ADK: variants seen among roughly 807,000 people sequenced by gnomAD.
ADK encodes N6,N6-dimethyladenosine kinase.
ADK carries 24 observed loss-of-function variants against 44.7 expected under a neutral mutation model. The ratio of observed to expected loss-of-function variants is 0.54; its 90% confidence interval spans 0.39 to 0.76. The LOEUF (loss-of-function observed/expected upper bound fraction) is 0.76. ADK is among the 30% of genes least tolerant of loss of function. The probability of loss-of-function intolerance (pLI) is 0.00; values close to 1 mark genes in which losing one functional copy is unlikely to be tolerated. For missense variants in ADK, 321 were observed against 425.1 expected (o/e 0.76, Z 2.15); for synonymous variants, 128 against 142.6 (o/e 0.90, Z 0.73).
intron 10 of ADK, among the ~76,000 whole-genome samples, chr10:74,682,998 G>A (rs1855666868): frequency 1.3e-5 from 2 of 152,080 alleles, no homozygotes; most frequent in African/African-American, 4.8e-5. Flanking sequence ...TAAAATTTGG[G>A]TCACAAGTTG....
At chr10:74,152,599 ATTTCCTTAGATT>A (rs1280096138) in intron 1 of ADK, among the ~76,000 whole-genome samples, 1 of 152,084 alleles carries the variant, frequency 6.6e-6, no homozygotes, top group African/African-American at 2.4e-5. Flanking sequence ...TAACCCTTAG[ATTTCCTTAGATT>A]TTTCCTTAAT....
intron 4 of ADK, among the ~76,000 whole-genome samples, chr10:74,358,859 TGA>T (rs1307341418): frequency 2.0e-5 from 3 of 152,374 alleles, no homozygotes; most frequent in South Asian, 4.1e-4. Flanking sequence ...AATGATACTC[TGA>T]GTCATAATTA....
At chr10:74,218,732 G>T (rs1298920405) in intron 2 of ADK, among the ~76,000 whole-genome samples, 9 of 152,246 alleles carry the variant, frequency 5.9e-5, no homozygotes, top group African/African-American at 1.9e-4. Flanking sequence ...TTAAAGAAAA[G>T]AATTTTCAAC....
intron 2 of ADK, among the ~76,000 whole-genome samples, chr10:74,223,603 A>G (rs1844410629): frequency 6.6e-6 from 1 of 152,110 alleles, no homozygotes; most frequent in Non-Finnish European, 1.5e-5. Flanking sequence ...ATTGTTGTCC[A>G]TTGTTGTTTA....
chr10:74,186,878 A>T (rs1842786056), intron 1 of ADK, among the ~76,000 whole-genome samples: 1 of 152,050 alleles, frequency 6.6e-6, no homozygotes, highest in Non-Finnish European at 1.5e-5. Context: ...GCTTTGGGTT[A>T]TTTCCAGTTT....
intron 1 of ADK, among the ~76,000 whole-genome samples, chr10:74,171,461 A>C (rs189142650): frequency 1.3e-5 from 2 of 152,308 alleles, no homozygotes; most frequent in East Asian, 3.9e-4. Context: ...GGATGGGTCC[A>C]CATTTTTGGT....
At chr10:74,236,145 T>G (rs747236920) in intron 3 of ADK, among the ~76,000 whole-genome samples, 1 of 152,246 alleles carries the variant, frequency 6.6e-6, no homozygotes, top group Admixed American at 6.5e-5. Context: ...TAATTAGCTC[T>G]TCAAAGATGT....
intron 6 of ADK, among the ~76,000 whole-genome samples, chr10:74,449,494 G>A (rs1267825010): frequency 6.6e-5 from 10 of 152,268 alleles, no homozygotes. Flanking sequence ...AAAAGAAATA[G>A]AAAGTTCAGG....
chr10:74,672,531 A>G (rs1176279047), intron 10 of ADK, among the ~76,000 whole-genome samples: 10 of 152,210 alleles, frequency 6.6e-5, no homozygotes, highest in Non-Finnish European at 1.5e-5. Flanking sequence ...ACTAGGCAGG[A>G]CTTTACTGGT....
chr10:74,357,304 G>C (rs939264123), intron 4 of ADK, among the ~76,000 whole-genome samples: 1 of 152,026 alleles, frequency 6.6e-6, no homozygotes, highest in East Asian at 1.9e-4. Context: ...TTGTAGTGTG[G>C]TGGTGGTGAT....
chr10:74,300,315 CT>C (rs1839979795), intron 3 of ADK, among the ~76,000 whole-genome samples: 1 of 102,280 alleles, frequency 9.8e-6, no homozygotes, highest in East Asian at 2.5e-4. Flanking sequence ...TCCTTCTTTC[CT>C]TCCTTCCTTC....
At chr10:74,436,499 A>C (rs1268629198) in intron 6 of ADK, among the ~76,000 whole-genome samples, 1 of 151,562 alleles carries the variant, frequency 6.6e-6, no homozygotes, top group Non-Finnish European at 1.5e-5. Context: ...AAAAGTTTCC[A>C]TGACTCTTCA....
chr10:74,680,158 C>CA (rs1248921882), intron 10 of ADK, among the ~76,000 whole-genome samples: 3 of 151,242 alleles, frequency 2.0e-5, no homozygotes, highest in African/African-American at 4.9e-5. Context: ...ACTAAAAATA[C>CA]AAAAAAATTA....
chr10:74,706,184 A>C (rs535891834), intron 10 of ADK, among the ~76,000 whole-genome samples: 8 of 152,270 alleles, frequency 5.3e-5, no homozygotes, highest in African/African-American at 1.9e-4. Flanking sequence ...AGGAAAGCTG[A>C]GGTGGGAGAA....
chr10:74,354,181 C>T (rs1477107232), intron 4 of ADK, among the ~76,000 whole-genome samples: 1 of 152,202 alleles, frequency 6.6e-6, no homozygotes, highest in Non-Finnish European at 1.5e-5. Context: ...AAGGTGAACT[C>T]ATTGTCTTGA....
At chr10:74,311,120 A>T (rs1224448831) in intron 3 of ADK, among the ~76,000 whole-genome samples, 2 of 152,164 alleles carry the variant, frequency 1.3e-5, no homozygotes, top group Non-Finnish European at 2.9e-5. Flanking sequence ...TACTGTTAAT[A>T]CCTTGGTTGT....
At chr10:74,209,162 T>C (rs560890909) in intron 2 of ADK, among the ~76,000 whole-genome samples, 1 of 152,308 alleles carries the variant, frequency 6.6e-6, no homozygotes, top group Admixed American at 6.5e-5. Context: ...TTATGAAGGC[T>C]CTGCTCTTAT....
chr10:74,688,346 C>T (rs1014887230), intron 10 of ADK, among the ~76,000 whole-genome samples: 1 of 152,122 alleles, frequency 6.6e-6, no homozygotes, highest in African/African-American at 2.4e-5. Context: ...ATGTAAGTTT[C>T]AGAAGAACAG....
At chr10:74,278,437 G>T (rs1325682535) in intron 3 of ADK, among the ~76,000 whole-genome samples, 2 of 145,712 alleles carry the variant, frequency 1.4e-5, no homozygotes, top group African/African-American at 5.1e-5. Context: ...TTTTTTTCCA[G>T]ATTTTTTTGG....
Sources: gnomAD v4.1 joint callset for allele counts (sites outside exome capture counted in the v4.1 genomes callset) on GRCh38, gnomAD v4.1.1 for gene constraint, MANE v1.5 for transcripts, NCBI Gene and HGNC (gene_info 2026-07-23, HGNC 2026-07-21) for gene names.